The following SCN11A variants were observed in gnomAD, a reference collection of about 807,000 sequenced individuals.
SCN11A encodes the protein sodium voltage-gated channel alpha subunit 11.
SCN11A carries 122 observed loss-of-function variants against 162.2 expected under a neutral mutation model. That is an observed-to-expected ratio of 0.75 (90% confidence interval 0.65 to 0.87). The LOEUF (loss-of-function observed/expected upper bound fraction) is 0.87. Among genes scored for constraint, SCN11A ranks in the 40% least tolerant of loss-of-function variants. The pLI is 0.00. For synonymous variants in SCN11A, 758 were observed against 751.5 expected (o/e 1.01, Z -0.14); for missense variants, 2,015 against 2,181.6 (o/e 0.92, Z 1.52).
chr3:38,955,175 C>T (rs894247308), intron 3 of SCN11A, among the ~76,000 whole-genome samples: 13 of 152,110 alleles, frequency 8.5e-5, no homozygotes, highest in South Asian at 8.3e-4. Flanking sequence ...GTAATCCCAC[C>T]TACTCAGGAG....
intron 7 of SCN11A, among the ~76,000 whole-genome samples, chr3:38,938,631 C>T (rs2066392473): frequency 7.7e-6 from 1 of 130,142 alleles, no homozygotes; most frequent in African/African-American, 2.8e-5. Flanking sequence ...ATGGCATCAT[C>T]TCTGCTCTCT....
chr3:38,924,097 C>T lies in SCN11A; in HGVS notation c.712+1318G>A, dbSNP rs983844523. 1.1e-4 allele frequency among the ~76,000 whole-genome samples: 16 copies of T among 152,282 alleles called. No homozygotes were observed. In the South Asian group the frequency reaches 3.3e-3, roughly 32 times the overall value. ...GGTGGAAGCCGGGATCTTTAGTCCACTGTGCTCCCTGTAGCAGGAGGTCTT... is the reference window on the plus strand; with the variant it reads ...GGTGGAAGCCGGGATCTTTAGTCCATTGTGCTCCCTGTAGCAGGAGGTCTT... On this transcript the variant is annotated intron_variant, in intron 9 of 29. Coordinates refer to ENST00000302328, the MANE Select transcript of SCN11A (RefSeq NM_001349253.2).
intron 26 of SCN11A, among the ~76,000 whole-genome samples, chr3:38,869,177 A>G (rs924113412): frequency 2.6e-5 from 4 of 151,998 alleles, no homozygotes; most frequent in Non-Finnish European, 4.4e-5. Flanking sequence ...ACCCCTCCAC[A>G]CACTTCCACC....
chr3:38,908,056 T>C lies in SCN11A; in HGVS notation c.1366A>G (p.Lys456Glu), dbSNP rs1024138807. 6.2e-7 allele frequency: 1 copy of C among 1,613,774 alleles called. No individual in the cohort carries two copies. The highest frequency in any genetic ancestry group is 1.7e-5 in the Admixed American group (1 of 59,986). ...TSLETSYFTP[K>E]KRKLFGNKKR... ...TTATTACCAAAGAGCTTTCTCTTTT[T>C]TGGGGTAAAATATGATGTTTCAAGG... Residue 456 changes from lysine to glutamate, a missense_variant, in exon 14 of 30, where the codon AAA becomes GAA. Physicochemically the swap from Lys to Glu is moderately conservative, Grantham distance 56. Transcript: ENST00000302328.
At chr3:38,952,746 G>A (rs1165104799) in intron 4 of SCN11A, among the ~76,000 whole-genome samples, 4 of 152,218 alleles carry the variant, frequency 2.6e-5, no homozygotes, top group Non-Finnish European at 4.4e-5. Context: ...TGAAGGAGAT[G>A]TAAGACTTAG....
chr3:39,006,583 AAAAG>A (rs1194099005), intron 2 of SCN11A, among the ~76,000 whole-genome samples: 2 of 149,860 alleles, frequency 1.3e-5, no homozygotes, highest in East Asian at 2.0e-4. Context: ...AAGGAAAAAA[AAAAG>A]AAGAAGAAGA....
intron 2 of SCN11A, among the ~76,000 whole-genome samples, chr3:38,987,375 G>A (rs2030294680): frequency 6.7e-6 from 1 of 148,320 alleles, no homozygotes; most frequent in African/African-American, 2.5e-5. Flanking sequence ...CACTCATCTT[G>A]CAAGGCTGGC....
rs549443636 is a variant in SCN11A, at chr3:39,028,204, C to G, written c.-280+4176G>C. On this transcript the variant is annotated intron_variant, in intron 2 of 29. Transcript: ENST00000302328. ...GAGGGTTACACCCCAGACCACCCAT[C>G]TGGTCACTTACCAAGCTCTCAGATG... 9.8e-5 allele frequency among the ~76,000 whole-genome samples: 15 copies of G among 152,358 alleles called. 1 individual carries two copies. The South Asian group carries it at 2.9e-3, about 29-fold the overall frequency.
At chr3:38,940,011 T>A (rs944549683) in intron 7 of SCN11A, among the ~76,000 whole-genome samples, 5 of 150,308 alleles carry the variant, frequency 3.3e-5, no homozygotes, top group Non-Finnish European at 7.4e-5. Flanking sequence ...AGCACACAAT[T>A]TTATATATAT....
intron 2 of SCN11A, among the ~76,000 whole-genome samples, chr3:38,963,390 G>GTTT: frequency 2.5e-5 from 1 of 39,770 alleles, no homozygotes; most frequent in Non-Finnish European, 4.4e-5. Flanking sequence ...TATATATGAT[G>GTTT]GAGATATATA....
chr3:38,875,736 T>TCATGTTCA, intron 23 of SCN11A, among the ~76,000 whole-genome samples: 1 of 152,154 alleles, frequency 6.6e-6, no homozygotes, highest in Admixed American at 6.6e-5. Flanking sequence ...AAAACACATC[T>TCATGTTCA]CATGTTCATG....
rs556742249 is a variant in SCN11A, at chr3:38,851,467, G to A, written c.4057-716C>T. Among the ~76,000 whole-genome samples the A allele has an allele frequency of 3.2e-4, 48 of 152,240 alleles. No individual in the cohort carries two copies. In the South Asian group the frequency reaches 8.9e-3, roughly 28 times the overall value. On this transcript the variant is annotated intron_variant, in intron 28 of 29. Transcript: ENST00000302328. ...AAGTGAGTATATGCTGATTGTTCAGGTACAGGTCCTAACTCAAGTTTGCAT... is the reference window on the plus strand; with the variant it reads ...AAGTGAGTATATGCTGATTGTTCAGATACAGGTCCTAACTCAAGTTTGCAT...
chr3:38,926,636 C>T (rs2066145608), intron 8 of SCN11A, among the ~76,000 whole-genome samples, 167 bp downstream of exon 8: 1 of 152,132 alleles, frequency 6.6e-6, no homozygotes, highest in African/African-American at 2.4e-5. Context: ...GGCCTCTGGC[C>T]AATTGGCTGC....
At chr3:38,937,887 C>T (rs1320020787) in intron 7 of SCN11A, among the ~76,000 whole-genome samples, 2 of 152,086 alleles carry the variant, frequency 1.3e-5, no homozygotes, top group Non-Finnish European at 1.5e-5. Context: ...TGGGTATATA[C>T]CCAAAGGACT....
Position 38,958,358 on chromosome 3 carries a change from C to T in SCN11A, c.-139+1925G>A, listed in dbSNP as rs1408533979. Among the ~76,000 whole-genome samples the T allele has an allele frequency of 1.3e-5, 2 of 152,250 alleles. 1 individual carries two copies. Among genetic ancestry groups the T allele is most frequent in the Non-Finnish European group, 2.9e-5 (2 of 68,046 alleles). On this transcript the variant is annotated intron_variant, in intron 3 of 29. Transcript: ENST00000302328. The stretch of plus-strand genomic sequence containing the variant: ...AGGTGCCCATCTACAGGGCTCGCAC[C>T]TCCCTTCCCTTGCCTCTTCTGATGT...
chr3:38,980,266 A>G (rs1165354081), intron 2 of SCN11A, among the ~76,000 whole-genome samples: 1 of 152,244 alleles, frequency 6.6e-6, no homozygotes, highest in African/African-American at 2.4e-5. Flanking sequence ...CATTGAAAGA[A>G]TAGAATCATT....
Position 38,846,877 on chromosome 3 carries a change from C to T in SCN11A, c.5193G>A (p.Lys1731=). Residue 1731 remains lysine (K), a synonymous_variant, in exon 30 of 30, where the codon AAG becomes AAA. Transcript: ENST00000302328. Reference sequence around the variant, plus strand: ...TAATAGCAGCACCTCTTTCCTCTTCCTTTCTCTTGGTGGTGGTGACTATGG... The same window carrying T: ...TAATAGCAGCACCTCTTTCCTCTTCTTTTCTCTTGGTGGTGGTGACTATGG... The part of the protein sequence containing the change: ...YEPIVTTTKR[K]EEERGAAIIQ... 2 of 1,614,062 alleles carry T rather than the reference C, an allele frequency of 1.2e-6. No homozygotes were observed. Among genetic ancestry groups the T allele is most frequent in the South Asian group, 1.1e-5 (1 of 91,070 alleles).
intron 2 of SCN11A, among the ~76,000 whole-genome samples, chr3:38,975,538 G>A (rs1438825584): frequency 6.6e-6 from 1 of 152,178 alleles, no homozygotes; most frequent in East Asian, 1.9e-4. Context: ...GATTGGTTTT[G>A]GTTTAGTGCA....
rs541773468 is a variant in SCN11A, at chr3:38,871,907, G to A, written c.3496-199C>T. Among the ~76,000 whole-genome samples, 6 of 152,194 alleles carry A rather than the reference G, an allele frequency of 3.9e-5. No homozygotes were observed. In the South Asian group the frequency reaches 1.2e-3, roughly 32 times the overall value. ...ATGGGTCCTCTCTGTTGCCACTGAG[G>A]ATACCTTGAGAAGTGCCCTGGTGAT... On this transcript the variant is annotated intron_variant, in intron 24 of 29. Transcript: ENST00000302328.
Sources: allele counts gnomAD v4.1 joint callset (sites outside exome capture counted in the v4.1 genomes callset), GRCh38; gene constraint gnomAD v4.1.1; transcripts MANE v1.5; gene names NCBI Gene and HGNC (gene_info 2026-07-23, HGNC 2026-07-21).